Variants in DZIP1 observed in about 807,000 individuals in gnomAD.
The protein encoded by DZIP1 is DAZ interacting zinc finger protein 1, also known as cilium assembly protein DZIP1.
A neutral mutation model predicts 107.6 loss-of-function variants in DZIP1; 97 were observed. That is an observed-to-expected ratio of 0.90 (90% CI 0.77 to 1.07). The LOEUF (loss-of-function observed/expected upper bound fraction) is 1.07, where lower values mean the gene tolerates loss of function less well. Ranked by LOEUF, DZIP1 falls within the 50% of genes least tolerant of loss-of-function variation. The pLI, the probability that DZIP1 is intolerant of heterozygous loss-of-function variation, is 0.00. For missense variants in DZIP1, 1,035 were observed against 1,063.6 expected (o/e 0.97, Z 0.37); for synonymous variants, 390 against 386.4 (o/e 1.01, Z -0.11).
At chr13:95,637,661 G>A (rs369085264) in intron 5 of DZIP1, among the ~76,000 whole-genome samples, 22 of 150,904 alleles carry the variant, frequency 1.5e-4, no homozygotes, top group African/African-American at 4.2e-4. Context: ...CACAGAAAAG[G>A]CCATGTGATG....
chr13:95,633,678 CAAAAAAAAAA>C (rs567298033), intron 5 of DZIP1, among the ~76,000 whole-genome samples: 2 of 71,192 alleles, frequency 2.8e-5, no homozygotes, highest in African/African-American at 1.0e-4. Context: ...GACTCCATCT[CAAAAAAAAAA>C]AAAAAAAAAA....
At chr13:95,628,065 G>C (rs1274964361) in intron 7 of DZIP1, among the ~76,000 whole-genome samples, 1 of 151,310 alleles carries the variant, frequency 6.6e-6, no homozygotes, top group East Asian at 1.9e-4. Flanking sequence ...TTTTTCAGAT[G>C]GGGTCTCATT....
Position 95,633,302 on chromosome 13 carries a change from G to A in DZIP1, c.617C>T (p.Ala206Val), listed in dbSNP as rs200355973. 6 of 1,614,116 alleles carry A rather than the reference G, an allele frequency of 3.7e-6. No homozygotes were observed. The highest frequency in any genetic ancestry group is 4.2e-6 in the Non-Finnish European group (5 of 1,180,012). ...TTGTAGAAAAGCTTGGTTCATAAAG[G>A]CCTTGTCACAAAAATGGCACTGAAA... ...NYYQCHFCDK[A>V]FMNQAFLQSH... is the part of the protein sequence containing the mutation. The change falls in exon 6 of 23, where the codon GCC becomes GTC. Residue 206 changes from alanine to valine, a missense_variant. Transcript: ENST00000376829.
intron 6 of DZIP1, 131 bp from the exon 7 acceptor site, chr13:95,630,244 C>T: frequency 8.9e-7 from 1 of 1,124,384 alleles, no homozygotes; most frequent in Non-Finnish European, 1.2e-6. Context: ...TTGTTTCATG[C>T]CACATGAGCC....
At chr13:95,624,662 A>C (rs1255364349) in intron 8 of DZIP1, 106 bp downstream of exon 8, 1 of 984,942 alleles carries the variant, frequency 1.0e-6, no homozygotes, top group Non-Finnish European at 1.5e-6. Flanking sequence ...GAATGTCTGC[A>C]CGAGGGTAAC....
At chr13:95,599,818 A>G (rs909052715) in intron 14 of DZIP1, among the ~76,000 whole-genome samples, 2 of 152,232 alleles carry the variant, frequency 1.3e-5, no homozygotes, top group Non-Finnish European at 2.9e-5. Context: ...AAAACATTAA[A>G]AATTCCCAAG....
intron 16 of DZIP1, among the ~76,000 whole-genome samples, chr13:95,593,042 G>A (rs1209447771): frequency 5.9e-5 from 9 of 152,278 alleles, no homozygotes; most frequent in Middle Eastern, 6.8e-3. Context: ...GCTGGTTATA[G>A]ATCATACACA....
intron 9 of DZIP1, among the ~76,000 whole-genome samples, chr13:95,621,664 C>CTGTGTGTGTG (rs1282902879): frequency 3.0e-4 from 26 of 86,284 alleles, no homozygotes; most frequent in Admixed American, 7.2e-4. Context: ...GACCAGTTAG[C>CTGTGTGTGTG]AGTGTGTGTG....
Position 95,586,063 on chromosome 13 carries a change from G to T in DZIP1, c.2292C>A (p.Val764=). 2 of 1,609,704 alleles carry T rather than the reference G, an allele frequency of 1.2e-6. No individual in the cohort carries two copies. Among genetic ancestry groups the T allele is most frequent in the South Asian group, 1.1e-5 (1 of 90,018 alleles). ...ACATCTCAGGGACATTAGTTCCACC[G>T]ACTGGTTTGTTCACATTTTTGCGAT... The part of the protein sequence containing the change: ...FPHRKNVNKP[V]GGTNVPEMFI... Residue 764 remains valine, a synonymous_variant, in exon 21 of 23, where the codon GTC becomes GTA. Transcript: ENST00000376829.
chr13:95,625,554 T>C (rs1413331498), intron 7 of DZIP1, among the ~76,000 whole-genome samples: 7 of 152,180 alleles, frequency 4.6e-5, no homozygotes, highest in Non-Finnish European at 8.8e-5. Flanking sequence ...AAAGTGTTTC[T>C]CAGATTTAAA....
At chr13:95,622,292 C>A (rs1159469247) in intron 9 of DZIP1, 51 bp downstream of exon 9, 12 of 1,611,346 alleles carry the variant, frequency 7.4e-6, no homozygotes, top group Non-Finnish European at 1.0e-5. Flanking sequence ...TAAATTACTT[C>A]ACTAAGAAAA....
chr13:95,638,685 C>A (rs1014487934), intron 5 of DZIP1, among the ~76,000 whole-genome samples: 26 of 151,632 alleles, frequency 1.7e-4, no homozygotes, highest in Non-Finnish European at 2.2e-4. Context: ...GGGGAAAAAA[C>A]CCATTAGGAT....
At chr13:95,629,144 C>G (rs1005842330) in intron 7 of DZIP1, among the ~76,000 whole-genome samples, 1 of 152,190 alleles carries the variant, frequency 6.6e-6, no homozygotes. Context: ...ATGGGGGAAA[C>G]AAGGAAGAGC....
At chr13:95,584,943 G>T in intron 21 of DZIP1, 33 bp from the exon 22 acceptor site, 2 of 1,569,988 alleles carry the variant, frequency 1.3e-6, no homozygotes, top group Non-Finnish European at 8.7e-7. Flanking sequence ...AATTAATGTT[G>T]CTTAGAAAAA....
At chr13:95,628,595 C>T (rs183266039) in intron 7 of DZIP1, among the ~76,000 whole-genome samples, 495 of 152,228 alleles carry the variant, frequency 3.3e-3, no homozygotes, top group Non-Finnish European at 5.3e-3. Context: ...TTCATAGCAG[C>T]ATCAGTCATA....
chr13:95,600,322 C>G (rs1053365538), intron 14 of DZIP1, among the ~76,000 whole-genome samples: 4 of 152,196 alleles, frequency 2.6e-5, no homozygotes, highest in African/African-American at 7.2e-5. Flanking sequence ...CACTTCCCCC[C>G]ACCAGCTCTC....
At chr13:95,590,873 G>A (rs576778864) in intron 16 of DZIP1, among the ~76,000 whole-genome samples, 10 of 152,270 alleles carry the variant, frequency 6.6e-5, no homozygotes, top group Non-Finnish European at 2.9e-5. Context: ...GGAAGCTGTC[G>A]AGGCAGAAAC....
chr13:95,600,510 T>C (rs2044581115), intron 14 of DZIP1, among the ~76,000 whole-genome samples: 1 of 152,098 alleles, frequency 6.6e-6, no homozygotes, highest in South Asian at 2.1e-4. Flanking sequence ...GGTTTTTTAT[T>C]CATTAAAGTA....
chr13:95,607,533 T>A (rs2044820334), intron 13 of DZIP1, among the ~76,000 whole-genome samples: 1 of 152,238 alleles, frequency 6.6e-6, no homozygotes, highest in Non-Finnish European at 1.5e-5. Flanking sequence ...CCACTGCCTG[T>A]TTTTATTGGA....
Sources: gnomAD v4.1 joint callset for allele counts (sites outside exome capture counted in the v4.1 genomes callset) on GRCh38, gnomAD v4.1.1 for gene constraint, MANE v1.5 for transcripts, NCBI Gene and HGNC (gene_info 2026-07-23, HGNC 2026-07-21) for gene names.